Variants in JAK2 observed in about 807,000 individuals in gnomAD.
JAK2 encodes tyrosine-protein kinase JAK2.
Under a neutral mutation model 139.3 loss-of-function variants are expected in JAK2, and 86 were observed. That is an observed-to-expected ratio of 0.62 (90% confidence interval 0.52 to 0.74). The LOEUF is 0.74. JAK2 is among the 30% of genes least tolerant of loss of function. JAK2 has a pLI of 0.00. For synonymous variants in JAK2, 490 were observed against 437.7 expected, an observed-to-expected ratio of 1.12 and a Z score of -1.49; for missense variants, 1,421 against 1,360.3, an observed-to-expected ratio of 1.04 and a Z score of -0.70.
At chr9:5,104,911 AAAT>A (rs1481796696) in intron 22 of JAK2, among the ~76,000 whole-genome samples, 1 of 152,228 alleles carries the variant, frequency 6.6e-6, no homozygotes, top group Non-Finnish European at 1.5e-5. Flanking sequence ...ATGTATCTCA[AAAT>A]AATAAGAGCT....
At chr9:5,084,624 C>G (rs192475340) in intron 19 of JAK2, among the ~76,000 whole-genome samples, 1 of 152,178 alleles carries the variant, frequency 6.6e-6, no homozygotes, top group African/African-American at 2.4e-5. Flanking sequence ...TATTTGAAAT[C>G]TAGAGTGTTT....
intron 13 of JAK2, among the ~76,000 whole-genome samples, chr9:5,073,072 C>T (rs1040302106): frequency 6.6e-6 from 1 of 152,110 alleles, no homozygotes; most frequent in African/African-American, 2.4e-5. Context: ...TGGCCAGTTG[C>T]CAGAGCTCTG....
At chr9:5,105,518 C>T (rs1821881263) in intron 22 of JAK2, among the ~76,000 whole-genome samples, 1 of 152,116 alleles carries the variant, frequency 6.6e-6, no homozygotes, top group South Asian at 2.1e-4. Flanking sequence ...CAATGCCATC[C>T]CCATCAAGCT....
At chr9:5,115,127 T>A (rs926167176) in intron 22 of JAK2, among the ~76,000 whole-genome samples, 1 of 152,096 alleles carries the variant, frequency 6.6e-6, no homozygotes, top group African/African-American at 2.4e-5. Flanking sequence ...GTGAACAGGC[T>A]ACCTACAGAA....
intron 7 of JAK2, among the ~76,000 whole-genome samples, chr9:5,055,414 T>C (rs1817694797): frequency 6.6e-6 from 1 of 152,000 alleles, no homozygotes; most frequent in African/African-American, 2.4e-5. Flanking sequence ...TCTACTAATG[T>C]TAATTGAATT....
At chr9:5,050,646 A>T (rs1306601892) in intron 5 of JAK2, 40 bp from the exon 6 acceptor site, 9 of 1,572,012 alleles carry the variant, frequency 5.7e-6, no homozygotes, top group Non-Finnish European at 7.8e-6. Context: ...ATGATAATGA[A>T]ACTTACGATG....
At chr9:5,019,239 T>C (rs574059959) in intron 2 of JAK2, among the ~76,000 whole-genome samples, 1 of 152,304 alleles carries the variant, frequency 6.6e-6, no homozygotes, top group East Asian at 1.9e-4. Flanking sequence ...CAGGCTTTGT[T>C]CATTCTTTTT....
At chr9:5,042,106 T>A (rs1052236661) in intron 4 of JAK2, among the ~76,000 whole-genome samples, 1 of 149,660 alleles carries the variant, frequency 6.7e-6, no homozygotes, top group African/African-American at 2.5e-5. Flanking sequence ...TTCCTTCACG[T>A]AAGACTGGCC....
intron 22 of JAK2, among the ~76,000 whole-genome samples, chr9:5,106,640 G>C (rs897922528): frequency 6.6e-6 from 1 of 152,124 alleles, no homozygotes; most frequent in East Asian, 1.9e-4. Flanking sequence ...GCAAAGACTT[G>C]GAACCAACCC....
intron 4 of JAK2, among the ~76,000 whole-genome samples, chr9:5,037,559 G>T (rs1021590788): frequency 1.3e-5 from 2 of 152,178 alleles, no homozygotes; most frequent in East Asian, 1.9e-4. Flanking sequence ...CCTTTGTAGG[G>T]ACATGGATGA....
intron 2 of JAK2, among the ~76,000 whole-genome samples, chr9:4,987,145 A>G (rs1440065801): frequency 1.3e-5 from 2 of 152,336 alleles, no homozygotes; most frequent in African/African-American, 4.8e-5. Context: ...ATTTACCTGA[A>G]TAGGAAAGCT....
chr9:5,017,585 C>T (rs1203306342), intron 2 of JAK2, among the ~76,000 whole-genome samples: 3 of 152,110 alleles, frequency 2.0e-5, no homozygotes, highest in South Asian at 2.1e-4. Flanking sequence ...TGTTGTTTGA[C>T]ATCTTTCTTC....
chr9:4,996,740 C>G (rs1007377866), intron 2 of JAK2, among the ~76,000 whole-genome samples: 1 of 151,792 alleles, frequency 6.6e-6, no homozygotes, highest in African/African-American at 2.4e-5. Flanking sequence ...GGTAAGTATT[C>G]TGCGATAATT....
At chr9:5,013,774 A>G (rs1587826341) in intron 2 of JAK2, among the ~76,000 whole-genome samples, 2 of 152,298 alleles carry the variant, frequency 1.3e-5, no homozygotes, top group South Asian at 4.1e-4. Context: ...GTAGCACTTA[A>G]TTTTTAAAAT....
Position 5,080,574 on chromosome 9 carries a change from A to G in JAK2, c.2325A>G (p.Pro775=). The G allele has an allele frequency of 1.9e-6, 3 of 1,602,186 alleles. No individual in the cohort carries two copies. The highest frequency in any genetic ancestry group is 2.5e-6 in the Non-Finnish European group (3 of 1,177,034). Residue 775 remains proline (P), a synonymous_variant, in exon 18 of 25, where the codon CCA becomes CCG. Coordinates refer to ENST00000381652, the MANE Select transcript of JAK2 (RefSeq NM_004972.4). Reference sequence around the variant, plus strand: ...AAGATAGGCATCAGCTTCCTGCACCAAAGTGGGCAGAATTAGCAAACCTTA... The same window carrying G: ...AAGATAGGCATCAGCTTCCTGCACCGAAGTGGGCAGAATTAGCAAACCTTA... ...FYEDRHQLPA[P]KWAELANLIN...
chr9:5,024,594 T>A (rs1334000564), intron 3 of JAK2, among the ~76,000 whole-genome samples: 1 of 152,138 alleles, frequency 6.6e-6, no homozygotes, highest in Non-Finnish European at 1.5e-5. Flanking sequence ...ATAGAAATGC[T>A]TTTCAGTGCT....
chr9:5,026,615 T>G (rs1374689613), intron 3 of JAK2, among the ~76,000 whole-genome samples: 3 of 152,220 alleles, frequency 2.0e-5, no homozygotes, highest in Non-Finnish European at 2.9e-5. Flanking sequence ...ATTTCTGATT[T>G]AATTGAAGTG....
chr9:5,072,826 C>G (rs372608048), intron 13 of JAK2, among the ~76,000 whole-genome samples, 200 bp downstream of exon 13: 4 of 152,192 alleles, frequency 2.6e-5, no homozygotes, highest in South Asian at 4.1e-4. Context: ...TAATTCCAAA[C>G]TAATTATGTT....
In JAK2 at chr9:5,029,924, G is replaced by C. The variant is rs777676408; in HGVS notation, c.350+18G>C. The C allele has an allele frequency of 1.3e-6, 2 of 1,568,764 alleles. No individual in the cohort carries two copies. The highest frequency in any genetic ancestry group is 1.7e-6 in the Non-Finnish European group (2 of 1,162,958). On this transcript the variant is annotated intron_variant, in intron 4 of 24. Transcript: ENST00000381652. The stretch of plus-strand genomic sequence containing the variant: ...AGAATAAGGTACTTTCTTCAGTAAA[G>C]TAACTCACTTAATGCTAAAAGGCAA...
Sources: allele counts gnomAD v4.1 joint callset (sites outside exome capture counted in the v4.1 genomes callset), GRCh38; gene constraint gnomAD v4.1.1; transcripts MANE v1.5; gene names NCBI Gene and HGNC (gene_info 2026-07-23, HGNC 2026-07-21).